The following DOCK3 variants were observed in gnomAD, a reference collection of about 807,000 sequenced individuals.
DOCK3 encodes the protein dedicator of cytokinesis 3, also known as dedicator of cytokinesis protein 3.
In DOCK3, 60 loss-of-function variants were observed where a neutral mutation model predicts 265.6. That is an observed-to-expected ratio of 0.23 (90% CI 0.18 to 0.28). DOCK3 has a LOEUF of 0.28. DOCK3 is among the 10% of genes least tolerant of loss of function. The pLI, the probability that DOCK3 is intolerant of heterozygous loss-of-function variation, is 1.00. For missense variants in DOCK3, 1,981 were observed against 2,594.3 expected, an observed-to-expected ratio of 0.76 and a Z score of 5.14; for synonymous variants, 881 against 938.0, an observed-to-expected ratio of 0.94 and a Z score of 1.11.
At chr3:51,062,846 A>G (rs547885889) in intron 5 of DOCK3, among the ~76,000 whole-genome samples, 110 of 152,330 alleles carry the variant, frequency 7.2e-4, no homozygotes, top group African/African-American at 2.6e-3. Flanking sequence ...GGAAACAAAT[A>G]TCACATTGCC....
At chr3:51,319,950 G>A (rs946303506) in intron 32 of DOCK3, among the ~76,000 whole-genome samples, 1 of 152,124 alleles carries the variant, frequency 6.6e-6, no homozygotes, top group Non-Finnish European at 1.5e-5. Flanking sequence ...TAAGAACTTG[G>A]AGAGGAGGCA....
chr3:51,089,350 A>C (rs1464169017), intron 8 of DOCK3, 66 bp downstream of exon 8: 13 of 1,532,722 alleles, frequency 8.5e-6, no homozygotes, highest in Non-Finnish European at 1.1e-5. Flanking sequence ...ATTACAACAT[A>C]TGAATACACC....
In DOCK3 at chr3:51,006,547, G is replaced by A. The variant is rs146348803; in HGVS notation, c.316-57901G>A. ...TTCCTTCACTCCTTGAAAAGATTGA[G>A]TCTCATCAATTGTACTTCCTAAATA... is the stretch of plus-strand genomic sequence containing the variant. On this transcript the variant is annotated intron_variant, in intron 5 of 52. Transcript: ENST00000266037. Among the ~76,000 whole-genome samples the A allele has an allele frequency of 1.6e-3, 247 of 152,206 alleles. 1 individual carries two copies. Among genetic ancestry groups the A allele is most frequent in the African/African-American group, 5.6e-3 (233 of 41,524 alleles).
At chr3:51,133,581 G>C (rs529817085) in intron 9 of DOCK3, among the ~76,000 whole-genome samples, 1 of 151,960 alleles carries the variant, frequency 6.6e-6, no homozygotes, top group Non-Finnish European at 1.5e-5. Flanking sequence ...CATTTGGGTT[G>C]GTTCCAAGTC....
rs2083163216 is a variant in DOCK3 at position 51,312,844 on chromosome 3, G to A, written c.3195G>A (p.Lys1065=). ...TSAKRKKILD[K]YGDMRVMMAY... is the part of the protein sequence containing the mutation. ...TTGGCTCCTGTGTTACTATTCTTAG[G>A]TATGGGGACATGCGTGTAATGATGG... Residue 1065 remains lysine, a splice_region_variant and synonymous_variant, in exon 31 of 53, where the codon AAG becomes AAA. Coordinates refer to ENST00000266037, the MANE Select transcript of DOCK3 (RefSeq NM_004947.5). 6.2e-7 allele frequency: 1 copy of A among 1,609,706 alleles called. No homozygotes were observed. The highest frequency in any genetic ancestry group is 1.3e-5 in the African/African-American group (1 of 75,014).
intron 5 of DOCK3, among the ~76,000 whole-genome samples, chr3:51,017,342 T>G (rs2079390054): frequency 1.3e-5 from 2 of 151,570 alleles, no homozygotes; most frequent in Admixed American, 6.6e-5. Flanking sequence ...ATTGATCATT[T>G]GTATTTTTTT....
chr3:51,313,297 G>A (rs2083196157), intron 31 of DOCK3, among the ~76,000 whole-genome samples: 1 of 152,198 alleles, frequency 6.6e-6, no homozygotes, highest in Non-Finnish European at 1.5e-5. Context: ...CATGAGCAAA[G>A]GTGGCTATTA....
intron 9 of DOCK3, among the ~76,000 whole-genome samples, chr3:51,137,592 A>G (rs1046571151): frequency 1.3e-5 from 2 of 152,216 alleles, no homozygotes; most frequent in African/African-American, 4.8e-5. Flanking sequence ...ACGCAGTGCC[A>G]TCCAAGAATT....
intron 1 of DOCK3, among the ~76,000 whole-genome samples, chr3:50,760,027 C>CT (rs762160439): frequency 1.5e-3 from 212 of 143,700 alleles, no homozygotes; most frequent in Non-Finnish European, 2.0e-3. Context: ...AAGGCGGACT[C>CT]TTTTTTTTTT....
At chr3:51,319,294 C>G (rs187028314) in intron 32 of DOCK3, among the ~76,000 whole-genome samples, 1 of 151,772 alleles carries the variant, frequency 6.6e-6, no homozygotes, top group Non-Finnish European at 1.5e-5. Context: ...CTAATGCCTC[C>G]AGGTCTTTGG....
chr3:50,831,296 G>T (rs992389536), intron 2 of DOCK3, among the ~76,000 whole-genome samples: 2 of 151,222 alleles, frequency 1.3e-5, no homozygotes, highest in African/African-American at 4.9e-5. Context: ...TATTACGTAG[G>T]TATACATGTG....
intron 5 of DOCK3, among the ~76,000 whole-genome samples, chr3:50,987,058 A>C (rs774012992): frequency 1.3e-5 from 2 of 152,188 alleles, no homozygotes; most frequent in Non-Finnish European, 2.9e-5. Context: ...TTAATGTTTT[A>C]ACAAAGATAG....
At chr3:50,989,591 T>A (rs1482726873) in intron 5 of DOCK3, among the ~76,000 whole-genome samples, 1 of 152,152 alleles carries the variant, frequency 6.6e-6, no homozygotes, top group East Asian at 1.9e-4. Flanking sequence ...GAAGTCAGCT[T>A]CAAATAAAAC....
chr3:50,737,856 T>C (rs902569444), intron 1 of DOCK3, among the ~76,000 whole-genome samples: 2 of 152,262 alleles, frequency 1.3e-5, no homozygotes, highest in Admixed American at 6.5e-5. Context: ...ACTGAACTAA[T>C]ATAAGACAGT....
At chr3:50,915,150 T>G (rs1336215634) in intron 4 of DOCK3, among the ~76,000 whole-genome samples, 2 of 152,054 alleles carry the variant, frequency 1.3e-5, no homozygotes, top group Non-Finnish European at 2.9e-5. Flanking sequence ...AGCACTGGCT[T>G]GACTCCAGGG....
At chr3:50,988,969 G>A (rs1345849560) in intron 5 of DOCK3, among the ~76,000 whole-genome samples, 1 of 152,050 alleles carries the variant, frequency 6.6e-6, no homozygotes, top group African/African-American at 2.4e-5. Context: ...AACCACCCTT[G>A]CCACCCTCGG....
chr3:50,716,212 A>G (rs1282532499), intron 1 of DOCK3, among the ~76,000 whole-genome samples: 1 of 151,954 alleles, frequency 6.6e-6, no homozygotes, highest in Non-Finnish European at 1.5e-5. Context: ...TGTTAATGAA[A>G]TTGACAATGG....
chr3:50,994,286 C>T (rs2078206637), intron 5 of DOCK3, among the ~76,000 whole-genome samples: 3 of 152,276 alleles, frequency 2.0e-5, no homozygotes, highest in African/African-American at 7.2e-5. Context: ...CAAGCAGTTA[C>T]AATGTATTAG....
At chr3:50,946,517 C>G (rs1342530236) in intron 5 of DOCK3, among the ~76,000 whole-genome samples, 3 of 152,128 alleles carry the variant, frequency 2.0e-5, no homozygotes, top group Admixed American at 2.0e-4. Flanking sequence ...GGCAGACACC[C>G]TAGTGGCTAT....
Sources: gnomAD v4.1 joint callset for allele counts (sites outside exome capture counted in the v4.1 genomes callset) on GRCh38, gnomAD v4.1.1 for gene constraint, MANE v1.5 for transcripts, NCBI Gene and HGNC (gene_info 2026-07-23, HGNC 2026-07-21) for gene names.